The following LINGO2 variants were observed in gnomAD, a reference collection of about 807,000 sequenced individuals.
LINGO2 encodes leucine-rich repeat and immunoglobulin-like domain-containing nogo receptor-interacting protein 2.
In LINGO2, 14 loss-of-function variants were observed where a neutral mutation model predicts 30.6. The ratio of observed to expected loss-of-function variants is 0.46; its 90% confidence interval spans 0.30 to 0.72. The LOEUF (loss-of-function observed/expected upper bound fraction) is 0.72. LINGO2 is among the 30% of genes least tolerant of loss of function. LINGO2 has a pLI of 0.07. For synonymous variants in LINGO2, 317 were observed against 288.5 expected (o/e 1.10, Z -1.00); for missense variants, 729 against 751.7 (o/e 0.97, Z 0.35).
rs147694506 is a variant in LINGO2 at position 28,325,516 on chromosome 9, C to G, written c.-245-30150G>C. 4.0e-3 allele frequency among the ~76,000 whole-genome samples: 601 copies of G among 152,124 alleles called. 5 individuals are homozygous for G. The highest frequency in any genetic ancestry group is 0.013 in the African/African-American group (551 of 41,496). The stretch of plus-strand genomic sequence containing the variant: ...AATTCCCACTGTGTTGTGGGAGGGA[C>G]CCGGTGGGAGATAACTGAATTATGG... On this transcript the variant is annotated intron_variant, in intron 3 of 5. Transcript: ENST00000379992.
At chr9:28,383,277 T>C (rs1044621125) in intron 2 of LINGO2, among the ~76,000 whole-genome samples, 3 of 151,852 alleles carry the variant, frequency 2.0e-5, no homozygotes, top group Non-Finnish European at 2.9e-5. Context: ...TGTGTGTGTG[T>C]GTGTGTGTGT....
intron 1 of LINGO2, among the ~76,000 whole-genome samples, chr9:28,611,249 T>C (rs1825902392): frequency 6.6e-6 from 1 of 152,162 alleles, no homozygotes; most frequent in African/African-American, 2.4e-5. Context: ...AAAATGTATA[T>C]ATTTAGGATA....
intron 3 of LINGO2, among the ~76,000 whole-genome samples, chr9:28,338,366 C>T (rs888007423): frequency 1.3e-5 from 2 of 152,118 alleles, no homozygotes; most frequent in African/African-American, 2.4e-5. Context: ...TTTGATTTTA[C>T]AGGCTTATAG....
chr9:28,016,326 T>C (rs1822835189), intron 4 of LINGO2, among the ~76,000 whole-genome samples: 2 of 152,120 alleles, frequency 1.3e-5, no homozygotes, highest in Non-Finnish European at 1.5e-5. Context: ...TCCAAATACT[T>C]AGGTCAGGCT....
chr9:28,855,809 C>A, the LINGO2 span, among the ~76,000 whole-genome samples: 1 of 152,010 alleles, frequency 6.6e-6, no homozygotes, highest in African/African-American at 2.4e-5. Context: ...AGGTCCCAGA[C>A]CGGTTAAGGC....
intron 4 of LINGO2, among the ~76,000 whole-genome samples, chr9:28,250,189 C>T (rs189672119): frequency 1.3e-5 from 2 of 152,296 alleles, no homozygotes; most frequent in Non-Finnish European, 2.9e-5. Context: ...TTCTGAGCTC[C>T]TGCAACATAA....
the LINGO2 span, among the ~76,000 whole-genome samples, chr9:29,135,450 T>A: frequency 2.0e-5 from 3 of 151,234 alleles, no homozygotes; most frequent in South Asian, 6.3e-4. Context: ...CCCAGCTACT[T>A]GGGAGGCTGA....
intron 3 of LINGO2, among the ~76,000 whole-genome samples, chr9:28,315,584 A>T (rs1039928843): frequency 9.9e-5 from 15 of 152,078 alleles, no homozygotes; most frequent in Non-Finnish European, 2.1e-4. Context: ...TATTATATTC[A>T]TATTATCTAG....
chr9:28,094,497 G>T lies in LINGO2; in HGVS notation c.-86-82092C>A, dbSNP rs1017122577. On this transcript the variant is annotated intron_variant, in intron 4 of 5. Transcript: ENST00000379992. ...CTGTATTTTGCATGATGAAGCAATAGAGAGAGAAAGGGGATATGTGTGTGT... is the reference window on the plus strand; with the variant it reads ...CTGTATTTTGCATGATGAAGCAATATAGAGAGAAAGGGGATATGTGTGTGT... 3.3e-5 allele frequency among the ~76,000 whole-genome samples: 5 copies of T among 150,980 alleles called. 1 individual carries two copies. Among genetic ancestry groups the T allele is most frequent in the African/African-American group, 1.2e-4 (5 of 40,822 alleles).
At chr9:28,240,732 G>T (rs181496555) in intron 4 of LINGO2, among the ~76,000 whole-genome samples, 12 of 152,074 alleles carry the variant, frequency 7.9e-5, no homozygotes, top group African/African-American at 2.9e-4. Flanking sequence ...ATTGGTCTGG[G>T]CAAAAATTTC....
intron 4 of LINGO2, among the ~76,000 whole-genome samples, chr9:28,191,020 T>A (rs895128737): frequency 1.3e-5 from 2 of 152,168 alleles, no homozygotes; most frequent in Non-Finnish European, 2.9e-5. Flanking sequence ...CAGTTAGCAT[T>A]TTGAAGGCAG....
At chr9:29,067,809 G>A in the LINGO2 span, among the ~76,000 whole-genome samples, 15 of 148,130 alleles carry the variant, frequency 1.0e-4, no homozygotes, top group Non-Finnish European at 1.6e-4. Context: ...AGAAACAAAG[G>A]TCACATTGGC....
intron 4 of LINGO2, among the ~76,000 whole-genome samples, chr9:28,252,289 G>A (rs1164090378): frequency 2.0e-5 from 3 of 152,028 alleles, no homozygotes; most frequent in African/African-American, 7.2e-5. Flanking sequence ...GCAGTGGTGT[G>A]ATCTTGGCTC....
chr9:28,374,428 C>G (rs1271369647), intron 2 of LINGO2, among the ~76,000 whole-genome samples: 1 of 151,450 alleles, frequency 6.6e-6, no homozygotes, highest in Non-Finnish European at 1.5e-5. Flanking sequence ...GAAGGACATC[C>G]AAAAATAAAT....
At chr9:28,961,417 A>G in the LINGO2 span, among the ~76,000 whole-genome samples, 6 of 152,180 alleles carry the variant, frequency 3.9e-5, no homozygotes, top group Non-Finnish European at 7.3e-5. Context: ...CATAATACAT[A>G]GCCCATAATT....
the LINGO2 span, among the ~76,000 whole-genome samples, chr9:28,999,450 T>A: frequency 1.3e-5 from 2 of 152,198 alleles, no homozygotes; most frequent in South Asian, 4.1e-4. Context: ...TATTTCTGTA[T>A]ATATCTTTTT....
chr9:28,694,359 C>T, the LINGO2 span, among the ~76,000 whole-genome samples: 1 of 151,950 alleles, frequency 6.6e-6, no homozygotes, highest in Non-Finnish European at 1.5e-5. Context: ...ATAAGTCAAA[C>T]TATGGCTAAA....
the LINGO2 span, among the ~76,000 whole-genome samples, chr9:28,736,754 C>T: frequency 1.3e-5 from 2 of 152,124 alleles, no homozygotes; most frequent in Non-Finnish European, 2.9e-5. Flanking sequence ...ATCACCACTG[C>T]ACTCCAGCCT....
At chr9:28,023,584 A>G (rs1460136709) in intron 4 of LINGO2, among the ~76,000 whole-genome samples, 2 of 152,168 alleles carry the variant, frequency 1.3e-5, no homozygotes, top group Non-Finnish European at 2.9e-5. Flanking sequence ...AAGTTTTCTT[A>G]GCTTCTCCGC....
Sources: allele counts gnomAD v4.1 joint callset (sites outside exome capture counted in the v4.1 genomes callset), GRCh38; gene constraint gnomAD v4.1.1; transcripts MANE v1.5; gene names NCBI Gene and HGNC (gene_info 2026-07-23, HGNC 2026-07-21).